NOTCH2: variants seen among roughly 807,000 people sequenced by gnomAD.
The protein encoded by NOTCH2 is neurogenic locus notch homolog protein 2.
NOTCH2 carries 29 observed loss-of-function variants against 235.8 expected under a neutral mutation model. The observed-to-expected ratio is 0.12, with a 90% CI of 0.09 to 0.17. NOTCH2 has a LOEUF of 0.17. Among genes scored for constraint, NOTCH2 ranks in the 10% least tolerant of loss-of-function variants. The pLI, the probability that NOTCH2 is intolerant of heterozygous loss-of-function variation, is 1.00. For synonymous variants in NOTCH2, 1,086 were observed against 1,141.5 expected (o/e 0.95, Z 0.98); for missense variants, 2,285 against 3,150.2 (o/e 0.73, Z 6.57).
chr1:119,915,730 G>T lies in NOTCH2; in HGVS notation c.6992C>A (p.Ala2331Asp). The T allele has an allele frequency of 6.2e-7, 1 of 1,608,258 alleles. No individual in the cohort carries two copies. Among genetic ancestry groups the T allele is most frequent in the East Asian group, 2.2e-5 (1 of 44,794 alleles). Residue 2331 changes from alanine (A) to aspartate (D), a missense_variant, in exon 34 of 34, where the codon GCT (alanine) becomes GAT (aspartate). Around this residue, in one of 6 missense-constraint regions of NOTCH2, gnomAD observed 504 missense variants for 538.0 expected, o/e 0.94. Transcript: ENST00000256646. The part of the protein sequence containing the change: ...APQPQSTCPP[A>D]VAGPLPTMYQ... ...CATGGTGGGCAGGGGGCCCGCAACAGCTGGAGGGCAGGTGGACTGAGGCTG... is the reference window on the plus strand; with the variant it reads ...CATGGTGGGCAGGGGGCCCGCAACATCTGGAGGGCAGGTGGACTGAGGCTG...
At chr1:119,921,425 T>C (rs1195683816) in intron 29 of NOTCH2, among the ~76,000 whole-genome samples, 1 of 152,248 alleles carries the variant, frequency 6.6e-6, no homozygotes, top group Non-Finnish European at 1.5e-5. Flanking sequence ...AATTGCCATC[T>C]ACACACACCA....
Position 119,998,688 on chromosome 1 carries a change from A to T in NOTCH2, c.416-1356T>A, listed in dbSNP as rs1349474732. Among the ~76,000 whole-genome samples the T allele has an allele frequency of 4.6e-5, 7 of 151,704 alleles. No homozygotes were observed. In the East Asian group the frequency reaches 7.8e-4, roughly 17 times the overall value. On this transcript the variant is annotated intron_variant, in intron 3 of 33. Transcript: ENST00000256646. The stretch of plus-strand genomic sequence containing the variant: ...AGAGATGAGAACTCCTTGAATTTTT[A>T]TTATTATTATTATTATTATACTTTA...
At chr1:119,976,458 A>T (rs2101160863) in intron 5 of NOTCH2, 1 of 151,420 alleles carries the variant, frequency 6.6e-6, no homozygotes, top group East Asian at 1.9e-4. Context: ...GGGAGTATAG[A>T]TGTGGCTAAG....
chr1:119,920,543 G>A, intron 29 of NOTCH2, 146 bp from the exon 30 acceptor site: 1 of 921,344 alleles, frequency 1.1e-6, no homozygotes, highest in South Asian at 1.4e-5. Context: ...GATTACCTCA[G>A]CCTTGGCTTC....
chr1:119,935,310 T>C, intron 22 of NOTCH2, 162 bp downstream of exon 22: 1 of 1,573,350 alleles, frequency 6.4e-7, no homozygotes, highest in South Asian at 1.2e-5. Flanking sequence ...TAGCAAGAGA[T>C]GGGAGAATAA....
chr1:119,917,425 C>T (rs1649125379), intron 33 of NOTCH2, among the ~76,000 whole-genome samples: 1 of 152,206 alleles, frequency 6.6e-6, no homozygotes, highest in Non-Finnish European at 1.5e-5. Context: ...AAGAGTTACA[C>T]CAAGCTATCT....
In NOTCH2 at chr1:119,955,326, C is replaced by T. The variant is rs968102420; in HGVS notation, c.2027-94G>A. ...ACGTTATGTTGACATCCTTCATCTG[C>T]TCAGGCCATAAGGTGCCTTGAGGCA... On this transcript the variant is annotated intron_variant, in intron 12 of 33. Transcript: ENST00000256646. 3 of 1,340,196 alleles carry T rather than the reference C, an allele frequency of 2.2e-6. No individual in the cohort carries two copies. In the African/African-American group the frequency reaches 4.3e-5, roughly 19 times the overall value. 83.0% of individuals were successfully genotyped at this position (1,340,196 alleles called of 1,614,324 possible).
chr1:119,964,197 T>C (rs1553199375), intron 10 of NOTCH2, among the ~76,000 whole-genome samples: 1 of 152,204 alleles, frequency 6.6e-6, no homozygotes. Flanking sequence ...ATGTATCTTA[T>C]GTCCCCAATT....
chr1:120,065,961 T>C (rs1655490249), intron 1 of NOTCH2, among the ~76,000 whole-genome samples: 1 of 151,208 alleles, frequency 6.6e-6, no homozygotes, highest in Non-Finnish European at 1.5e-5. Flanking sequence ...TCTAAAATCA[T>C]TGCAGACGTA....
At chr1:119,931,829 A>G (rs1487010498) in intron 22 of NOTCH2, among the ~76,000 whole-genome samples, 1 of 151,794 alleles carries the variant, frequency 6.6e-6, no homozygotes, top group Non-Finnish European at 1.5e-5. Context: ...AAAGTGATAA[A>G]TTCAACTTGA....
chr1:120,011,045 T>C lies in NOTCH2; in HGVS notation c.156-5457A>G, dbSNP rs1260865779. 3.3e-5 allele frequency among the ~76,000 whole-genome samples: 5 copies of C among 152,216 alleles called. No individual in the cohort carries two copies. In the East Asian group the frequency reaches 5.8e-4, roughly 18 times the overall value. ...GCCACATATTATATAATTCCATTTA[T>C]ATGAAATGTCCAGAATATGCAAAAC... On this transcript the variant is annotated intron_variant, in intron 2 of 33. Transcript: ENST00000256646.
chr1:119,957,829 AACACACACACACACACACACACACAC>A (rs3222739), intron 12 of NOTCH2, among the ~76,000 whole-genome samples: 2 of 116,436 alleles, frequency 1.7e-5, no homozygotes, highest in Non-Finnish European at 3.5e-5. Flanking sequence ...GCCTTATATA[AACACACACACACACACACACACACAC>A]ACACACACAC....
intron 14 of NOTCH2, among the ~76,000 whole-genome samples, chr1:119,953,140 C>T (rs1325303040): frequency 6.6e-6 from 1 of 152,168 alleles, no homozygotes; most frequent in South Asian, 2.1e-4. Flanking sequence ...GGAGAAACCC[C>T]GTCTCTACTA....
intron 21 of NOTCH2, among the ~76,000 whole-genome samples, chr1:119,936,824 G>A (rs1557811785): frequency 6.6e-6 from 1 of 152,210 alleles, no homozygotes; most frequent in South Asian, 2.1e-4. Context: ...GTAACGTTTA[G>A]CATGATGCTA....
intron 17 of NOTCH2, among the ~76,000 whole-genome samples, chr1:119,945,904 C>T (rs1460106018): frequency 6.6e-6 from 1 of 151,890 alleles, no homozygotes; most frequent in African/African-American, 2.4e-5. Flanking sequence ...GAATTAATAA[C>T]ATTTATAGAA....
chr1:120,015,384 A>G (rs1653400997), intron 2 of NOTCH2, among the ~76,000 whole-genome samples: 1 of 151,926 alleles, frequency 6.6e-6, no homozygotes, highest in Non-Finnish European at 1.5e-5. Context: ...TAAATGAGGT[A>G]AGGGCAGGGG....
rs2101144758 is a variant in NOTCH2 at position 119,916,510 on chromosome 1, G to A, written c.6212C>T (p.Pro2071Leu). The A allele has an allele frequency of 1.9e-6, 3 of 1,612,576 alleles. No homozygotes were observed. The highest frequency in any genetic ancestry group is 2.5e-6 in the Non-Finnish European group (3 of 1,178,624). Residue 2071 changes from proline to leucine, a missense_variant, in exon 34 of 34, where the codon CCT becomes CTT. By Grantham distance (98) the Pro-to-Leu change is moderately conservative. Around this residue, in one of 6 missense-constraint regions of NOTCH2, gnomAD observed 504 missense variants for 538.0 expected, o/e 0.94. Transcript: ENST00000256646. ...AGCAGAAGTCAACACGGTGCCTGGA[G>A]GGCTTGGGGTCACATTGTATTCATC... The part of the protein sequence containing the change: ...LLDEYNVTPS[P>L]PGTVLTSALS...
At chr1:119,916,761 A>G (rs1383227009) in intron 33 of NOTCH2, 67 bp from the exon 34 acceptor site, 25 of 1,496,098 alleles carry the variant, frequency 1.7e-5, no homozygotes, top group African/African-American at 5.5e-5. Context: ...GTTTTTCTCA[A>G]TCTTTTTTAT....
chr1:120,003,703 A>G (rs1439353455), intron 3 of NOTCH2, among the ~76,000 whole-genome samples: 3 of 151,976 alleles, frequency 2.0e-5, no homozygotes, highest in Non-Finnish European at 4.4e-5. Flanking sequence ...AGATATGTGT[A>G]AAAAAAAATT....
Sources: gnomAD v4.1 joint callset for allele counts (sites outside exome capture counted in the v4.1 genomes callset) on GRCh38, gnomAD v4.1.1 for gene constraint, gnomAD v4.1.1 regional missense constraint, MANE v1.5 for transcripts, NCBI Gene and HGNC (gene_info 2026-07-23, HGNC 2026-07-21) for gene names.